The following ANKS1A variants were observed in gnomAD, a reference collection of about 807,000 sequenced individuals.
The protein encoded by ANKS1A is ankyrin repeat and sterile alpha motif domain containing 1A.
A neutral mutation model predicts 120.3 loss-of-function variants in ANKS1A; 55 were observed. That is an observed-to-expected ratio of 0.46 (90% confidence interval 0.37 to 0.57). The LOEUF is 0.57. ANKS1A is among the 20% of genes least tolerant of loss of function. ANKS1A has a pLI of 0.00. For synonymous variants in ANKS1A, 590 were observed against 604.7 expected (o/e 0.98, Z 0.36); for missense variants, 1,123 against 1,480.3 (o/e 0.76, Z 3.96).
chr6:35,050,496 A>G lies in ANKS1A; in HGVS notation c.2011-3603A>G, dbSNP rs1338079280. Among the ~76,000 whole-genome samples, 1 of 152,098 alleles carries G rather than the reference A, an allele frequency of 6.6e-6. No homozygotes were observed. The highest frequency in any genetic ancestry group is 2.1e-4 in the South Asian group (1 of 4,832). ...CTGAAATGCAGACCATTTCTGGGAA[A>G]GCTGCCTGTTCAGATTTTTTTTTAA... On this transcript the variant is annotated intron_variant, in intron 11 of 23. Transcript: ENST00000360359. This position sits in a 1 kb window ranked among gnomAD's most constrained non-coding sequence, Gnocchi z 4.3.
intron 12 of ANKS1A, among the ~76,000 whole-genome samples, chr6:35,059,657 C>T (rs984984836): frequency 7.9e-5 from 12 of 152,206 alleles, no homozygotes; most frequent in South Asian, 2.1e-4. Flanking sequence ...GAACTTGCCC[C>T]TCGCCACGGC....
chr6:35,070,353 G>T (rs557569987), intron 13 of ANKS1A, among the ~76,000 whole-genome samples: 1 of 152,108 alleles, frequency 6.6e-6, no homozygotes, highest in South Asian at 2.1e-4. Flanking sequence ...CGATCCTGAA[G>T]AGACTAGCTG....
At chr6:34,922,629 GACTGTGTC>G (rs1451446271) in intron 1 of ANKS1A, among the ~76,000 whole-genome samples, 2 of 152,022 alleles carry the variant, frequency 1.3e-5, no homozygotes, top group Non-Finnish European at 2.9e-5. Context: ...CTGTGAGGTT[GACTGTGTC>G]CCTGTGAGCA....
At chr6:34,976,589 G>T (rs533993108) in intron 3 of ANKS1A, among the ~76,000 whole-genome samples, 3 of 151,842 alleles carry the variant, frequency 2.0e-5, no homozygotes, top group African/African-American at 7.3e-5. Flanking sequence ...TAGACCAGTT[G>T]CCTCCAAATA....
At chr6:34,991,526 G>GAT (rs1772509201) in intron 9 of ANKS1A, among the ~76,000 whole-genome samples, 1 of 125,000 alleles carries the variant, frequency 8.0e-6, no homozygotes, top group African/African-American at 3.2e-5. Context: ...ACATAGCCGG[G>GAT]AAAAAAAAAA....
Position 35,058,932 on chromosome 6 carries a change from G to A in ANKS1A, c.2078-1215G>A, listed in dbSNP as rs1482762504. On this transcript the variant is annotated intron_variant, in intron 12 of 23. Transcript: ENST00000360359. This position sits in a 1 kb window ranked among gnomAD's most constrained non-coding sequence, Gnocchi z 5.1. Reference sequence around the variant, plus strand: ...TCCCTGCTCATCCTTAGAGGAGAACGCCAAGATCCAGAGACCCTGGGACGA... The same window carrying A: ...TCCCTGCTCATCCTTAGAGGAGAACACCAAGATCCAGAGACCCTGGGACGA... Among the ~76,000 whole-genome samples the A allele has an allele frequency of 1.3e-5, 2 of 152,174 alleles. No individual in the cohort carries two copies. The highest frequency in any genetic ancestry group is 2.9e-5 in the Non-Finnish European group (2 of 68,034).
At chr6:34,911,731 C>T (rs1444766710) in intron 1 of ANKS1A, among the ~76,000 whole-genome samples, 1 of 152,174 alleles carries the variant, frequency 6.6e-6, no homozygotes, top group Non-Finnish European at 1.5e-5. Flanking sequence ...AAAATTTAGT[C>T]GTCTGCTTAT....
intron 11 of ANKS1A, among the ~76,000 whole-genome samples, chr6:35,052,636 TAATAAA>T (rs1196415662): frequency 2.9e-4 from 35 of 119,284 alleles, no homozygotes; most frequent in Admixed American, 6.6e-4. Context: ...AAAAAAAGAA[TAATAAA>T]AATAAAAATA....
chr6:34,958,992 A>T (rs1770504417), intron 1 of ANKS1A, among the ~76,000 whole-genome samples: 1 of 152,122 alleles, frequency 6.6e-6, no homozygotes, highest in African/African-American at 2.4e-5. Context: ...ATCAACATTG[A>T]TTGGATTCAA....
rs781224156 is a variant in ANKS1A, at chr6:34,983,231, C to T, written c.910+17C>T. 8 of 1,613,452 alleles carry T rather than the reference C, an allele frequency of 5.0e-6. No individual in the cohort carries two copies. The highest frequency in any genetic ancestry group is 6.8e-6 in the Non-Finnish European group (8 of 1,179,426). On this transcript the variant is annotated intron_variant, in intron 6 of 23. Transcript: ENST00000360359. Reference sequence around the variant, plus strand: ...TAATTGAAGGTATCATCCTTTCTCCCTGTCTGGGTGACCAGGGGACACACG... The same window carrying T: ...TAATTGAAGGTATCATCCTTTCTCCTTGTCTGGGTGACCAGGGGACACACG...
chr6:34,955,143 T>G (rs1770290910), intron 1 of ANKS1A, among the ~76,000 whole-genome samples: 1 of 87,300 alleles, frequency 1.1e-5, no homozygotes, highest in Non-Finnish European at 1.9e-5. Flanking sequence ...TCTTTTCTTT[T>G]CTTTTTTTTT....
At chr6:35,074,448 A>G (rs1444704257) in intron 13 of ANKS1A, among the ~76,000 whole-genome samples, 2 of 151,876 alleles carry the variant, frequency 1.3e-5, no homozygotes, top group East Asian at 3.9e-4. Context: ...AAAAAAAAAA[A>G]TAGCCAGGCA....
intron 7 of ANKS1A, 105 bp from the exon 8 acceptor site, chr6:34,984,977 G>A: frequency 1.9e-6 from 2 of 1,033,284 alleles, no homozygotes; most frequent in African/African-American, 1.6e-5. Context: ...CTGGGTTAGT[G>A]TTTGTGAGCG....
At chr6:35,016,644 G>A (rs913492971) in intron 10 of ANKS1A, among the ~76,000 whole-genome samples, 3 of 152,050 alleles carry the variant, frequency 2.0e-5, no homozygotes, top group African/African-American at 7.3e-5. Context: ...CGAGAGAACT[G>A]CAAATGTCTC....
intron 1 of ANKS1A, among the ~76,000 whole-genome samples, chr6:34,912,193 G>A (rs1242787003): frequency 6.6e-6 from 1 of 152,180 alleles, no homozygotes; most frequent in Non-Finnish European, 1.5e-5. Flanking sequence ...GTTTATGTAA[G>A]TAACTATAAT....
intron 10 of ANKS1A, among the ~76,000 whole-genome samples, chr6:35,000,386 T>C (rs932061846): frequency 2.0e-5 from 3 of 151,856 alleles, no homozygotes; most frequent in Non-Finnish European, 4.4e-5. Context: ...AAGTTAACAG[T>C]GTAACATGTA....
rs1775675308 is a variant in ANKS1A at position 35,045,497 on chromosome 6, T to C, written c.2011-8602T>C. Among the ~76,000 whole-genome samples, 4 of 152,202 alleles carry C rather than the reference T, an allele frequency of 2.6e-5. No homozygotes were observed. The South Asian group carries it at 8.3e-4, about 32-fold the overall frequency. On this transcript the variant is annotated intron_variant, in intron 11 of 23. Transcript: ENST00000360359. Reference sequence around the variant, plus strand: ...GGCAGAACCAGAACTTGAACTCAAGTTTTTAATTCATAAGTCCTTGTTCTT... The same window carrying C: ...GGCAGAACCAGAACTTGAACTCAAGCTTTTAATTCATAAGTCCTTGTTCTT...
Position 35,085,719 on chromosome 6 carries a change from A to G in ANKS1A, c.3133-47A>G, listed in dbSNP as rs1777929909. On this transcript the variant is annotated intron_variant, in intron 21 of 23. Transcript: ENST00000360359. The surrounding 1 kb of genome is among the most constrained non-coding windows in gnomAD (Gnocchi z 4.7). The stretch of plus-strand genomic sequence containing the variant: ...GCGAGGAAGGGCATATCCAGTGTGA[A>G]GCGGCTCCTGAACCAGGTGCTTAAG... 1 of 1,533,168 alleles carries G rather than the reference A, an allele frequency of 6.5e-7. No homozygotes were observed. The highest frequency in any genetic ancestry group is 1.4e-5 in the African/African-American group (1 of 72,258). 95.0% of individuals were successfully genotyped at this position (1,533,168 alleles called of 1,614,324 possible). A position where few individuals can be genotyped will look rare whatever the true frequency, so the allele number is the denominator to read the frequency against.
At chr6:34,934,236 C>G (rs919657972) in intron 1 of ANKS1A, among the ~76,000 whole-genome samples, 24 of 152,156 alleles carry the variant, frequency 1.6e-4, no homozygotes, top group African/African-American at 5.1e-4. Context: ...CAAGCTCCAC[C>G]TCCCGGGTTC....
Sources: allele counts gnomAD v4.1 joint callset (sites outside exome capture counted in the v4.1 genomes callset), GRCh38; gene constraint gnomAD v4.1.1; non-coding constraint Gnocchi (gnomAD v3.1); transcripts MANE v1.5; gene names NCBI Gene and HGNC (gene_info 2026-07-23, HGNC 2026-07-21).